The following GEN1 variants were observed in gnomAD, a reference collection of about 807,000 sequenced individuals.
GEN1 encodes GEN1 structure-specific endonuclease.
Under a neutral mutation model 67.6 loss-of-function variants are expected in GEN1, and 64 were observed. The ratio of observed to expected loss-of-function variants is 0.95; its 90% confidence interval spans 0.77 to 1.17. The LOEUF (loss-of-function observed/expected upper bound fraction) is 1.17, where lower values mean the gene tolerates loss of function less well. GEN1 is among the 50% of genes most tolerant of loss of function. The pLI, the probability that GEN1 is intolerant of heterozygous loss-of-function variation, is 0.00. For synonymous variants in GEN1, 371 were observed against 359.4 expected (o/e 1.03, Z -0.37); for missense variants, 1,058 against 1,048.3 (o/e 1.01, Z -0.13).
intron 12 of GEN1, 148 bp downstream of exon 12, chr2:17,778,211 T>TATGTATACACACACATATATGTGTGTAC (rs1558408697): frequency 3.6e-5 from 17 of 473,442 alleles, no homozygotes; most frequent in African/African-American, 2.0e-4. Context: ...TATGTGTATA[T>TATGTATACACACACATATATGTGTGTAC]ATATGTATAC....
intron 6 of GEN1, among the ~76,000 whole-genome samples, chr2:17,770,583 C>CAA (rs1426256909): frequency 6.6e-6 from 1 of 151,958 alleles, no homozygotes; most frequent in Non-Finnish European, 1.5e-5. Context: ...GAACTTTAGC[C>CAA]AAAAACGAAA....
At position 17,768,810 on chromosome 2, in the gene GEN1, A is replaced by G; in HGVS notation, c.709A>G (p.Arg237Gly). The change falls in exon 6 of 14, where the codon AGG (arginine) becomes GGG (glycine). Residue 237 changes from arginine (R) to glycine (G), a missense_variant and splice_region_variant. Physicochemically the swap from Arg to Gly is moderately radical, Grantham distance 125. Transcript: ENST00000381254. ...TTTGAAAGGGCAAAGTTTACTTCAG[A>G]GGTAACTAATAATTACTTTCTCTTG... ...QILKGQSLLQ[R>G]FNRWNETSCN... 1 of 1,574,564 alleles carries G rather than the reference A, an allele frequency of 6.4e-7. No individual in the cohort carries two copies. The highest frequency in any genetic ancestry group is 8.7e-7 in the Non-Finnish European group (1 of 1,145,086).
rs1672817894 is a variant in GEN1 at position 17,781,265 on chromosome 2, C to T, written c.2053C>T (p.Pro685Ser). The change falls in exon 14 of 14, where the codon CCT becomes TCT. Residue 685 changes from proline to serine, a missense_variant. Transcript: ENST00000381254. ...KERIFTKLSY[P>S]QDNLQPDVNL... is the part of the protein sequence containing the mutation. ...ACGAATATTTACAAAATTATCATATCCTCAGGATAATCTACAACCAGATGT... is the reference window on the plus strand; with the variant it reads ...ACGAATATTTACAAAATTATCATATTCTCAGGATAATCTACAACCAGATGT... 6.2e-7 allele frequency: 1 copy of T among 1,613,232 alleles called. No individual in the cohort carries two copies. Among genetic ancestry groups the T allele is most frequent in the African/African-American group, 1.3e-5 (1 of 74,910 alleles).
intron 3 of GEN1, among the ~76,000 whole-genome samples, chr2:17,764,620 G>A (rs981242718): frequency 3.5e-4 from 53 of 152,052 alleles, no homozygotes; most frequent in African/African-American, 1.3e-3. Context: ...ATCATTCCCT[G>A]TATTTCATGT....
chr2:17,781,020 G>T lies in GEN1; in HGVS notation c.1808G>T (p.Arg603Met), dbSNP rs1672804093. ...TTTAGTAATTCTCCAGCTATTCAAA[G>T]GAATACTTTTTCTCATGATTTAAAA... ...TSFSNSPAIQ[R>M]NTFSHDLKSE... The change falls in exon 14 of 14, where the codon AGG becomes ATG. Residue 603 changes from arginine to methionine, a missense_variant. Transcript: ENST00000381254. The T allele has an allele frequency of 1.9e-6, 3 of 1,613,818 alleles. No homozygotes were observed. Among genetic ancestry groups the T allele is most frequent in the Non-Finnish European group, 8.5e-7 (1 of 1,179,816 alleles).
At chr2:17,766,530 T>G in intron 4 of GEN1, 49 bp from the exon 5 acceptor site, 1 of 950,286 alleles carries the variant, frequency 1.1e-6, no homozygotes, top group Non-Finnish European at 1.7e-6. Flanking sequence ...TGGTTTAATG[T>G]ATAAATATGT....
At chr2:17,760,228 T>C (rs1038963172) in intron 2 of GEN1, 124 bp downstream of exon 2, 41 of 891,078 alleles carry the variant, frequency 4.6e-5, no homozygotes, top group Middle Eastern at 3.2e-4. Context: ...TTTTAAGATC[T>C]ATTTAACATG....
At position 17,781,323 on chromosome 2, in the gene GEN1, A is replaced by C. The variant is rs200000475; in HGVS notation, c.2111A>C (p.Lys704Thr). ...NLKTLSILSV[K>T]ESCIANSGSD... The stretch of plus-strand genomic sequence containing the variant: ...AAAACTTTGTCCATACTTAGTGTAA[A>C]AGAATCTTGTATTGCTAACAGTGGT... The change falls in exon 14 of 14, where the codon AAA (lysine) becomes ACA (threonine). Residue 704 changes from lysine (K) to threonine (T), a missense_variant. By Grantham distance (78) the Lys-to-Thr change is moderately conservative. Transcript: ENST00000381254. 1 of 1,613,878 alleles carries C rather than the reference A, an allele frequency of 6.2e-7. No homozygotes were observed. The highest frequency in any genetic ancestry group is 8.5e-7 in the Non-Finnish European group (1 of 1,179,792).
intron 1 of GEN1, chr2:17,754,789 C>T (rs1390246070): frequency 2.6e-5 from 4 of 152,214 alleles, no homozygotes; most frequent in Admixed American, 1.3e-4. Flanking sequence ...TAGTTATTTA[C>T]AATCAGTCTT....
Position 17,780,122 on chromosome 2 carries a change from G to T in GEN1, c.1408+1G>T. 2 of 1,609,398 alleles carry T rather than the reference G, an allele frequency of 1.2e-6. No homozygotes were observed. The highest frequency in any genetic ancestry group is 8.5e-7 in the Non-Finnish European group (1 of 1,178,174). ...GAAATTAAAGGGAAGAAACAAAAAC[G>T]TAAGTTTTGGGTTTGATAGCTATTT... On this transcript the variant is annotated splice_donor_variant, in intron 13 of 13. Coordinates refer to ENST00000381254, the MANE Select transcript of GEN1 (RefSeq NM_001130009.3). LOFTEE classifies it high-confidence loss of function.
chr2:17,778,399 TATATACACAC>T (rs1672643646), intron 12 of GEN1, among the ~76,000 whole-genome samples: 1 of 23,512 alleles, frequency 4.3e-5, no homozygotes, highest in Non-Finnish European at 1.1e-4. Context: ...TACATATATG[TATATACACAC>T]ATATATGTGT....
In GEN1 at chr2:17,781,567, CACTCGGAAAATTTTAATGAAGAAG is replaced by C; in HGVS notation, c.2357_2380del (p.Thr786_Lys793del). The C allele has an allele frequency of 6.2e-7, 1 of 1,613,828 alleles. No individual in the cohort carries two copies. Among genetic ancestry groups the C allele is most frequent in the Non-Finnish European group, 8.5e-7 (1 of 1,179,926 alleles). ...ATAGTAGAAAAGTTGATATGCAAACCACTCGGAAAATTTTAATGAAGAAGAGTGTTTGCCTTGACAGACATTCCT... is the reference window on the plus strand; with the variant it reads ...ATAGTAGAAAAGTTGATATGCAAACCAGTGTTTGCCTTGACAGACATTCCT... On this transcript the variant is annotated inframe_deletion, in exon 14 of 14. Coordinates refer to ENST00000381254, the MANE Select transcript of GEN1 (RefSeq NM_001130009.3).
rs772585986 is a variant in GEN1 at position 17,781,794 on chromosome 2, A to G, written c.2582A>G (p.Glu861Gly). The change falls in exon 14 of 14, where the codon GAA (glutamate) becomes GGA (glycine). Residue 861 changes from glutamate (E) to glycine (G), a missense_variant. Transcript: ENST00000381254. ...EQCVRSYETA[E>G]NEESCFPDST... ...TGTGTCAGATCTTATGAAACAGCTG[A>G]AAATGAAGAAAGCTGTTTCCCAGAT... The G allele has an allele frequency of 5.0e-6, 8 of 1,612,572 alleles. No homozygotes were observed. The highest frequency in any genetic ancestry group is 1.1e-5 in the South Asian group (1 of 90,722).
chr2:17,766,556 A>T, intron 4 of GEN1, 23 bp from the exon 5 acceptor site: 1 of 1,252,640 alleles, frequency 8.0e-7, no homozygotes, highest in Non-Finnish European at 1.2e-6. Context: ...TTGAGGATTA[A>T]ACTAAATCTG....
At chr2:17,755,501 A>G (rs1019523035) in intron 1 of GEN1, 1 of 152,376 alleles carries the variant, frequency 6.6e-6, no homozygotes, top group Admixed American at 6.5e-5. Context: ...GGCTAAATTC[A>G]TATGAAAATA....
intron 1 of GEN1, chr2:17,755,113 C>A (rs1671353478): frequency 6.6e-6 from 1 of 152,168 alleles, no homozygotes; most frequent in Non-Finnish European, 1.5e-5. Context: ...TAAAAGTAAT[C>A]ACATATATAT....
Position 17,771,304 on chromosome 2 carries a change from A to G in GEN1, c.802+17A>G. On this transcript the variant is annotated intron_variant, in intron 7 of 13. Coordinates refer to ENST00000381254, the MANE Select transcript of GEN1 (RefSeq NM_001130009.3). ...CCCATCCAGGTAAGGAGACATAGGGAATGGTTATTAGTATCTCATACCCAT... is the reference window on the plus strand; with the variant it reads ...CCCATCCAGGTAAGGAGACATAGGGGATGGTTATTAGTATCTCATACCCAT... 1 of 1,422,116 alleles carries G rather than the reference A, an allele frequency of 7.0e-7. No individual in the cohort carries two copies. The highest frequency in any genetic ancestry group is 9.9e-7 in the Non-Finnish European group (1 of 1,005,702). The allele number at this position is 1,422,116 out of a possible 1,614,324, so 88.1% of individuals were successfully genotyped here.
rs1435851587 is a variant in GEN1, at chr2:17,786,549, C to T, written c.*4610C>T. 1.3e-5 allele frequency: 2 copies of T among 152,090 alleles called. No homozygotes were observed. The highest frequency in any genetic ancestry group is 1.5e-5 in the Non-Finnish European group (1 of 67,986). The allele number at this position is 152,090 out of a possible 1,614,324, so 9.4% of individuals were successfully genotyped here. On this transcript the variant is annotated 3_prime_UTR_variant, in exon 14 of 14. Coordinates refer to ENST00000381254, the MANE Select transcript of GEN1 (RefSeq NM_001130009.3). ...TATGTACAACAGCCAGCTGGAGGCC[C>T]AGTGAGTTTAAAATTTTTCCAGGTC...
intron 1 of GEN1, among the ~76,000 whole-genome samples, chr2:17,757,581 C>T (rs1019224290): frequency 1.3e-5 from 2 of 152,214 alleles, no homozygotes; most frequent in East Asian, 1.9e-4. Context: ...ACCTTAGAAC[C>T]GGAAGTTGCC....
Sources: gnomAD v4.1 joint callset for allele counts (sites outside exome capture counted in the v4.1 genomes callset) on GRCh38, gnomAD v4.1.1 for gene constraint, MANE v1.5 for transcripts, NCBI Gene and HGNC (gene_info 2026-07-23, HGNC 2026-07-21) for gene names.